PLSCR2: variants seen among roughly 807,000 people sequenced by gnomAD.
The protein encoded by PLSCR2 is PL scramblase 2.
In PLSCR2, 18 loss-of-function variants were observed where a neutral mutation model predicts 25.3. The ratio of observed to expected loss-of-function variants is 0.71; its 90% CI spans 0.49 to 1.06. The LOEUF (loss-of-function observed/expected upper bound fraction) is 1.06. Among genes scored for constraint, PLSCR2 ranks in the 50% least tolerant of loss-of-function variants. PLSCR2 has a pLI of 0.00. For synonymous variants in PLSCR2, 88 were observed against 87.3 expected (o/e 1.01, Z -0.04); for missense variants, 243 against 269.5 (o/e 0.90, Z 0.69).
chr3:146,407,224 C>T (rs1403123452), intron 2 of PLSCR2, among the ~76,000 whole-genome samples: 1 of 152,126 alleles, frequency 6.6e-6, no homozygotes, highest in Non-Finnish European at 1.5e-5. Flanking sequence ...TGTTTAACAC[C>T]TTACTGACTG....
At chr3:146,419,672 TG>T (rs2039086598) in intron 2 of PLSCR2, among the ~76,000 whole-genome samples, 1 of 152,094 alleles carries the variant, frequency 6.6e-6, no homozygotes, top group African/African-American at 2.4e-5. Context: ...GGTTTTGTTT[TG>T]TTTTGTTTTC....
chr3:146,413,626 TTC>T (rs2108049581), intron 2 of PLSCR2, among the ~76,000 whole-genome samples: 1 of 152,334 alleles, frequency 6.6e-6, no homozygotes, highest in Admixed American at 6.5e-5. Context: ...CACCCCAGTT[TTC>T]AACATCTTGT....
At chr3:146,439,705 TG>T (rs1187578426), downstream of PLSCR2, among the ~76,000 whole-genome samples, 1 of 152,222 alleles carries the variant, frequency 6.6e-6, no homozygotes, top group African/African-American at 2.4e-5. Context: ...TTCTTTGTGA[TG>T]GGTTTGAACA....
At chr3:146,453,681 T>G (rs1166370239) in intron 5 of PLSCR2, among the ~76,000 whole-genome samples, 1 of 152,160 alleles carries the variant, frequency 6.6e-6, no homozygotes, top group African/African-American at 2.4e-5. Context: ...GCAATCAGAC[T>G]TAGATGACAA....
intron 6 of PLSCR2, 101 bp from the exon 7 acceptor site, chr3:146,441,922 T>C (rs556248811): frequency 1.4e-6 from 1 of 702,142 alleles, no homozygotes; most frequent in African/African-American, 1.9e-5. Context: ...AATTGTCTGT[T>C]AAATAAGAAA....
intron 2 of PLSCR2, chr3:146,415,176 G>A (rs150946416): frequency 0.022 from 3,388 of 152,578 alleles, 56 homozygotes; most frequent in Middle Eastern, 0.058. Context: ...ATCTATTAGA[G>A]TAAAAATAAA....
At chr3:146,449,607 C>A (rs2040778184) in intron 5 of PLSCR2, among the ~76,000 whole-genome samples, 1 of 151,444 alleles carries the variant, frequency 6.6e-6, no homozygotes, top group African/African-American at 2.4e-5. Context: ...TTAACATTTT[C>A]TACTTTATAT....
At chr3:146,424,415 T>G (rs1523334) in intron 2 of PLSCR2, among the ~76,000 whole-genome samples, 87,658 of 151,842 alleles carry the variant, frequency 0.58, 25,722 homozygotes, top group South Asian at 0.76. Context: ...TATGAATTTT[T>G]GGGGGACACC....
In PLSCR2 at chr3:146,449,219, G is replaced by A. The variant is rs141103129; in HGVS notation, c.632C>T (p.Ala211Val). The A allele has an allele frequency of 2.7e-5, 43 of 1,611,658 alleles. No homozygotes were observed. The African/African-American group carries it at 4.9e-4, about 19-fold the overall frequency. ...GAATAGACTTACAATGAGGAAACAG[G>A]CACCAATCATCACGGCTTTCATTTT... Residue 211 changes from alanine (A) to valine (V), a missense_variant, in exon 6 of 7, where the codon GCC becomes GTC. Transcript: ENST00000610787.
At position 146,454,180 on chromosome 3, in the gene PLSCR2, T is replaced by C; in HGVS notation, c.322-17A>G. ...GATTTCTATCTACAAAAGTAAAATA[T>C]GTGTGAACGTAATAAATCATCATAA... On this transcript the variant is annotated splice_polypyrimidine_tract_variant and intron_variant, in intron 4 of 6. Transcript: ENST00000610787. 1 of 1,521,630 alleles carries C rather than the reference T, an allele frequency of 6.6e-7. No homozygotes were observed. The highest frequency in any genetic ancestry group is 8.9e-7 in the Non-Finnish European group (1 of 1,124,896). The allele number at this position is 1,521,630 out of a possible 1,614,324, so 94.3% of individuals were successfully genotyped here.
At position 146,493,248 on chromosome 3, in the gene PLSCR2, C is replaced by A. The variant is rs190577379; in HGVS notation, c.-293+2647G>T. Among the ~76,000 whole-genome samples, 160 of 152,230 alleles carry A rather than the reference C, an allele frequency of 1.1e-3. 1 individual carries two copies. The South Asian group carries it at 0.016, about 15-fold the overall frequency. On this transcript the variant is annotated intron_variant, in intron 1 of 8. Transcript: ENST00000336685. ...ATAGATGATAACAGTCCCACTGGAACTATTGCAAAAAATTGAGGAGGAGGG... is the reference window on the plus strand; with the variant it reads ...ATAGATGATAACAGTCCCACTGGAAATATTGCAAAAAATTGAGGAGGAGGG...
chr3:146,397,225 G>T (rs1191731286), intron 2 of PLSCR2, among the ~76,000 whole-genome samples: 1 of 152,070 alleles, frequency 6.6e-6, no homozygotes, highest in Non-Finnish European at 1.5e-5. Context: ...AACAGGATTA[G>T]GGTATTGCAG....
At chr3:146,411,562 C>T (rs1200869680) in intron 2 of PLSCR2, among the ~76,000 whole-genome samples, 1 of 152,188 alleles carries the variant, frequency 6.6e-6, no homozygotes, top group Non-Finnish European at 1.5e-5. Flanking sequence ...GGAGCAAGAC[C>T]GGCTCTTGCC....
chr3:146,454,389 T>C (rs1355905344), intron 4 of PLSCR2, among the ~76,000 whole-genome samples: 1 of 152,184 alleles, frequency 6.6e-6, no homozygotes, highest in East Asian at 1.9e-4. Flanking sequence ...CTTACAAATA[T>C]ATAATTATAC....
At chr3:146,480,743 A>G (rs1045590042) in intron 1 of PLSCR2, among the ~76,000 whole-genome samples, 15 of 152,236 alleles carry the variant, frequency 9.9e-5, no homozygotes, top group Non-Finnish European at 2.1e-4. Flanking sequence ...TAAGGCCAGC[A>G]TCATCCTAAT....
intron 1 of PLSCR2, among the ~76,000 whole-genome samples, chr3:146,474,915 C>T (rs1017602481): frequency 1.3e-5 from 2 of 151,560 alleles, no homozygotes; most frequent in African/African-American, 4.8e-5. Context: ...ATCCTTTCTT[C>T]TGCTTGGTAG....
At chr3:146,489,083 G>C (rs1198197636) in intron 1 of PLSCR2, among the ~76,000 whole-genome samples, 1 of 152,024 alleles carries the variant, frequency 6.6e-6, no homozygotes, top group Non-Finnish European at 1.5e-5. Flanking sequence ...ACCTAACACA[G>C]CTTGTTCTCA....
intron 2 of PLSCR2, among the ~76,000 whole-genome samples, chr3:146,402,497 T>C (rs2038510085): frequency 6.6e-6 from 1 of 152,178 alleles, no homozygotes; most frequent in South Asian, 2.1e-4. Flanking sequence ...AGATGGAGTC[T>C]CACTCTGTTG....
downstream of PLSCR2, among the ~76,000 whole-genome samples, chr3:146,431,674 AC>A (rs2039550015): frequency 1.3e-5 from 2 of 152,202 alleles, no homozygotes; most frequent in Admixed American, 6.5e-5. Context: ...CAAGGAGCAA[AC>A]ATGTGGTAAA....
Sources: allele counts gnomAD v4.1 joint callset (sites outside exome capture counted in the v4.1 genomes callset), GRCh38; gene constraint gnomAD v4.1.1; transcripts MANE v1.5; gene names NCBI Gene and HGNC (gene_info 2026-07-23, HGNC 2026-07-21).